Variants in WIPI1 observed in about 807,000 individuals in gnomAD.
WIPI1 encodes the protein WD repeat domain phosphoinositide-interacting protein 1.
In WIPI1, 45 loss-of-function variants were observed where a neutral mutation model predicts 55.3. The observed-to-expected ratio is 0.81, with a 90% confidence interval of 0.64 to 1.04. The LOEUF (loss-of-function observed/expected upper bound fraction) is 1.04. Among genes scored for constraint, WIPI1 ranks in the 50% least tolerant of loss-of-function variants. The probability of loss-of-function intolerance (pLI) is 0.00; values close to 1 mark genes in which losing one functional copy is unlikely to be tolerated. For synonymous variants in WIPI1, 195 were observed against 217.6 expected, an observed-to-expected ratio of 0.90 and a Z score of 0.92; for missense variants, 445 against 559.0, an observed-to-expected ratio of 0.80 and a Z score of 2.06.
intron 10 of WIPI1, among the ~76,000 whole-genome samples, chr17:68,428,066 AT>A (rs1160868241): frequency 6.7e-6 from 1 of 150,212 alleles, no homozygotes; most frequent in East Asian, 2.0e-4. Flanking sequence ...TAATTTTTAT[AT>A]TTTTTCTTTT....
chr17:68,436,500 C>A, intron 4 of WIPI1, 21 bp from the exon 5 acceptor site: 3 of 1,609,288 alleles, frequency 1.9e-6, no homozygotes, highest in Non-Finnish European at 2.6e-6. Context: ...AGAAACAGAA[C>A]ATGAGAAGCC....
At position 68,457,426 on chromosome 17, in the gene WIPI1, G is replaced by T. The variant is rs755034659; in HGVS notation, c.-5C>A. On this transcript the variant is annotated 5_prime_UTR_variant, in exon 1 of 13. Transcript: ENST00000262139. Reference sequence around the variant, plus strand: ...GTCCGCGGCCTCGGCCTCCATCGGGGGCTCGGCCCGGGAAGCCGCAGCTCG... The same window carrying T: ...GTCCGCGGCCTCGGCCTCCATCGGGTGCTCGGCCCGGGAAGCCGCAGCTCG... 125 of 1,471,812 alleles carry T rather than the reference G, an allele frequency of 8.5e-5. 2 individuals carry two copies. The South Asian group carries it at 1.2e-3, about 14-fold the overall frequency. The allele number at this position is 1,471,812 out of a possible 1,614,324, so 91.2% of individuals were successfully genotyped here.
In WIPI1 at chr17:68,437,294, C is replaced by T. The variant is rs949440081; in HGVS notation, c.431-815G>A. ...TTCAGGCCAGGCAAGGTGGCCCACACCTGTGATCCCAGCACTTTGGCAGGC... is the reference window on the plus strand; with the variant it reads ...TTCAGGCCAGGCAAGGTGGCCCACATCTGTGATCCCAGCACTTTGGCAGGC... On this transcript the variant is annotated intron_variant, in intron 4 of 12. Transcript: ENST00000262139. 5.9e-5 allele frequency among the ~76,000 whole-genome samples: 9 copies of T among 152,246 alleles called. No homozygotes were observed. In the South Asian group the frequency reaches 1.0e-3, roughly 18 times the overall value.
chr17:68,441,710 C>T (rs556388433), intron 4 of WIPI1, among the ~76,000 whole-genome samples: 1 of 152,168 alleles, frequency 6.6e-6, no homozygotes, highest in Non-Finnish European at 1.5e-5. Flanking sequence ...CCTTTGCCCA[C>T]CCAGGCCACA....
Position 68,426,060 on chromosome 17 carries a change from G to A in WIPI1, c.1293+15C>T. 1 of 1,610,762 alleles carries A rather than the reference G, an allele frequency of 6.2e-7. No homozygotes were observed. Among genetic ancestry groups the A allele is most frequent in the Non-Finnish European group, 8.5e-7 (1 of 1,177,830 alleles). ...CACAGACTGAGCCGCCCAGTTACGG[G>A]TTCCTAATGCTCACAGGAGGAAACT... On this transcript the variant is annotated intron_variant, in intron 12 of 12. Transcript: ENST00000262139.
chr17:68,431,581 T>G (rs2083513598), intron 8 of WIPI1, among the ~76,000 whole-genome samples: 1 of 152,202 alleles, frequency 6.6e-6, no homozygotes, highest in South Asian at 2.1e-4. Flanking sequence ...TTCAGAAGAT[T>G]AATCAGCAAG....
In WIPI1 at chr17:68,423,786, AG is replaced by A. The variant is rs767119501; in HGVS notation, c.1294-1967del. 1.3e-5 allele frequency among the ~76,000 whole-genome samples: 2 copies of A among 152,212 alleles called. No homozygotes were observed. Among genetic ancestry groups the A allele is most frequent in the Non-Finnish European group, 2.9e-5 (2 of 68,022 alleles). ...GCACAAGGTACCTATTATTTTATAC[AG>A]GTTCTTTGGCAAGGAACTACCTCCT... On this transcript the variant is annotated intron_variant, in intron 12 of 12. Transcript: ENST00000262139. This position sits in a 1 kb window ranked among gnomAD's most constrained non-coding sequence, Gnocchi z 4.4.
chr17:68,451,723 C>T (rs2084507033), intron 2 of WIPI1, among the ~76,000 whole-genome samples: 1 of 152,150 alleles, frequency 6.6e-6, no homozygotes, highest in East Asian at 1.9e-4. Context: ...TGTACTCCCC[C>T]CACCCCCTAT....
chr17:68,429,399 C>A (rs775212056), intron 9 of WIPI1, among the ~76,000 whole-genome samples: 2 of 152,030 alleles, frequency 1.3e-5, no homozygotes, highest in Non-Finnish European at 2.9e-5. Flanking sequence ...CATAGGAGTC[C>A]GAACCTAGAA....
chr17:68,426,241 G>T, intron 11 of WIPI1, 66 bp from the exon 12 acceptor site: 2 of 1,107,550 alleles, frequency 1.8e-6, no homozygotes, highest in Non-Finnish European at 2.6e-6. Flanking sequence ...GACCTGGCGG[G>T]TGGGGAGCGG....
Position 68,457,474 on chromosome 17 carries a change from C to T in WIPI1, c.-53G>A. On this transcript the variant is annotated 5_prime_UTR_variant, in exon 1 of 13. Transcript: ENST00000262139. ...TCGGAGCCGGCGACAGCCACCTCAG[C>T]AGCCCGCCCGCGCCGGCTCCACGGG... The T allele has an allele frequency of 7.3e-7, 1 of 1,368,422 alleles. No individual in the cohort carries two copies. The allele number at this position is 1,368,422 out of a possible 1,614,324, so 84.8% of individuals were successfully genotyped here.
Position 68,457,400 on chromosome 17 carries a change from C to T in WIPI1, c.22G>A (p.Ala8Thr), listed in dbSNP as rs202190587. 1 of 1,528,336 alleles carries T rather than the reference C, an allele frequency of 6.5e-7. No individual in the cohort carries two copies. The highest frequency in any genetic ancestry group is 8.8e-7 in the Non-Finnish European group (1 of 1,139,086). The allele number at this position is 1,528,336 out of a possible 1,614,324, so 94.7% of individuals were successfully genotyped here. The change falls in exon 1 of 13, where the codon GCT becomes ACT. Residue 8 changes from alanine (A) to threonine (T), a missense_variant. Coordinates refer to ENST00000262139, the MANE Select transcript of WIPI1 (RefSeq NM_017983.7). ...GCCGACTCAACCCCGCCCGGGGGAG[C>T]GTCCGCGGCCTCGGCCTCCATCGGG... is the stretch of plus-strand genomic sequence containing the variant. MEAEAAD[A>T]PPGGVESALS... is the part of the protein sequence containing the mutation.
At chr17:68,454,138 T>C (rs1490551279) in intron 1 of WIPI1, among the ~76,000 whole-genome samples, 1 of 152,248 alleles carries the variant, frequency 6.6e-6, no homozygotes, top group African/African-American at 2.4e-5. Flanking sequence ...CCAGATTTTC[T>C]TGGCCTTGTG....
intron 4 of WIPI1, among the ~76,000 whole-genome samples, chr17:68,439,246 TA>T (rs1357957687): frequency 5.9e-5 from 9 of 152,158 alleles, no homozygotes; most frequent in African/African-American, 2.2e-4. Context: ...TATCAACTGA[TA>T]AATGGATAAA....
At position 68,433,169 on chromosome 17, in the gene WIPI1, T is replaced by C. The variant is rs1465818562; in HGVS notation, c.800+299A>G. On this transcript the variant is annotated intron_variant, in intron 8 of 12. Transcript: ENST00000262139. ...TCTGCAGACTCATTTAATACTACTG[T>C]TATGTTCATTTTGCAGATGAGGAAA... is the stretch of plus-strand genomic sequence containing the variant. Among the ~76,000 whole-genome samples, 3 of 152,264 alleles carry C rather than the reference T, an allele frequency of 2.0e-5. No individual in the cohort carries two copies. In the East Asian group the frequency reaches 5.8e-4, roughly 29 times the overall value.
intron 3 of WIPI1, 63 bp downstream of exon 3, chr17:68,450,665 C>G: frequency 1.3e-6 from 2 of 1,528,108 alleles, no homozygotes; most frequent in Non-Finnish European, 1.8e-6. Context: ...TGAAAGATGT[C>G]CATCTTTTTG....
chr17:68,425,569 C>T (rs2083115462), intron 12 of WIPI1, among the ~76,000 whole-genome samples: 1 of 151,970 alleles, frequency 6.6e-6, no homozygotes, highest in Non-Finnish European at 1.5e-5. Context: ...TGCGGGTCTG[C>T]CGGCCAGAGC....
At chr17:68,450,586 C>G in intron 3 of WIPI1, 142 bp downstream of exon 3, 1 of 1,136,400 alleles carries the variant, frequency 8.8e-7, no homozygotes, top group Non-Finnish European at 1.2e-6. Flanking sequence ...TTACAATACC[C>G]CCGGGACACG....
chr17:68,428,384 A>C (rs1300543457), intron 10 of WIPI1: 1 of 172,546 alleles, frequency 5.8e-6, no homozygotes, highest in African/African-American at 2.4e-5. Flanking sequence ...GTGTGCCACC[A>C]CAACCGGCTA....
Sources: allele counts gnomAD v4.1 joint callset (sites outside exome capture counted in the v4.1 genomes callset), GRCh38; gene constraint gnomAD v4.1.1; non-coding constraint Gnocchi (gnomAD v3.1); transcripts MANE v1.5; gene names NCBI Gene and HGNC (gene_info 2026-07-23, HGNC 2026-07-21).